ZNF548: variants seen among roughly 807,000 people sequenced by gnomAD.
The protein encoded by ZNF548 is zinc finger protein 548.
A neutral mutation model predicts 10.2 loss-of-function variants in ZNF548; 10 were observed. The observed-to-expected ratio is 0.98, with a 90% CI of 0.60 to 1.66. The LOEUF (loss-of-function observed/expected upper bound fraction) is 1.66, where lower values mean the gene tolerates loss of function less well. Ranked by LOEUF, ZNF548 falls within the 40% of genes most tolerant of loss-of-function variation. ZNF548 has a pLI of 0.00. For synonymous variants in ZNF548, 217 were observed against 223.5 expected (o/e 0.97, Z 0.26); for missense variants, 599 against 657.0 (o/e 0.91, Z 0.97).
chr19:57,394,647 G>C lies in ZNF548; in HGVS notation c.51+424G>C, dbSNP rs548635867. 2.0e-5 allele frequency among the ~76,000 whole-genome samples: 3 copies of C among 152,284 alleles called. No individual in the cohort carries two copies. In the East Asian group the frequency reaches 5.8e-4, roughly 29 times the overall value. ...GAAGATTTGAAGCAAAATAGGTAGT[G>C]ATAGGACCCCAGTTTAAGAGACTTT... is the stretch of plus-strand genomic sequence containing the variant. On this transcript the variant is annotated intron_variant, in intron 2 of 3. Transcript: ENST00000336128.
rs2088657244 is a variant in ZNF548, at chr19:57,395,326, G to A, written c.51+1103G>A. On this transcript the variant is annotated intron_variant, in intron 2 of 3. Transcript: ENST00000336128. The surrounding 1 kb of genome is among the most constrained non-coding windows in gnomAD (Gnocchi z 4.8). ...GGTTGCTGAGGGGGGATAATAGGGT[G>A]AGGTCGGAGAGTTGCTAACTATCAG... Among the ~76,000 whole-genome samples the A allele has an allele frequency of 6.6e-6, 1 of 152,150 alleles. No homozygotes were observed. Among genetic ancestry groups the A allele is most frequent in the African/African-American group, 2.4e-5 (1 of 41,412 alleles).
intron 1 of ZNF548, among the ~76,000 whole-genome samples, chr19:57,393,435 T>C (rs2088640881): frequency 1.3e-5 from 2 of 151,062 alleles, no homozygotes; most frequent in South Asian, 4.2e-4. Context: ...CCGAGGTGGG[T>C]GGATCACCTG....
chr19:57,396,124 C>T lies in ZNF548; in HGVS notation c.52-924C>T, dbSNP rs180937585. On this transcript the variant is annotated intron_variant, in intron 2 of 3. Coordinates refer to ENST00000336128, the MANE Select transcript of ZNF548 (RefSeq NM_001172773.2). ...GGCTGGGAGTTGTCTGTGGAATTGA[C>T]TGGAGTGGAGGTGTGAGAGATGGGA... is the stretch of plus-strand genomic sequence containing the variant. 1.4e-3 allele frequency among the ~76,000 whole-genome samples: 219 copies of T among 152,262 alleles called. 3 individuals are homozygous for T. Among genetic ancestry groups the T allele is most frequent in the Non-Finnish European group, 3.1e-4 (21 of 68,004 alleles).
At chr19:57,397,971 C>T (rs2088679107) in intron 3 of ZNF548, among the ~76,000 whole-genome samples, 1 of 152,222 alleles carries the variant, frequency 6.6e-6, no homozygotes, top group South Asian at 2.1e-4. Flanking sequence ...CTGGGGCCAC[C>T]ACCCTTCAAC....
In ZNF548 at chr19:57,398,694, G is replaced by A. The variant is rs1471510791; in HGVS notation, c.443G>A (p.Trp148Ter). The A allele has an allele frequency of 6.2e-7, 1 of 1,614,032 alleles. No individual in the cohort carries two copies. Among genetic ancestry groups the A allele is most frequent in the East Asian group, 2.2e-5 (1 of 44,886 alleles). The change falls in exon 4 of 4, where the codon TGG (tryptophan) becomes TAG (stop). Residue 148 changes from tryptophan to a stop codon, truncating the protein, a stop_gained. Coordinates refer to ENST00000336128, the MANE Select transcript of ZNF548 (RefSeq NM_001172773.2). LOFTEE classifies it low-confidence loss of function (END_TRUNC). ...GAAAATCTTTCCAGAGGGGATGATTGGATACCTTCATTTGGGAAGAACCAC... is the reference window on the plus strand; with the variant it reads ...GAAAATCTTTCCAGAGGGGATGATTAGATACCTTCATTTGGGAAGAACCAC... ...IGENLSRGDD[W>*]IPSFGKNHRV...
chr19:57,392,295 T>G (rs546967244), intron 1 of ZNF548, among the ~76,000 whole-genome samples: 35 of 152,352 alleles, frequency 2.3e-4, no homozygotes, highest in African/African-American at 7.9e-4. Flanking sequence ...TTTAGTTTAA[T>G]TAGGTCCTGT....
rs1396962177 is a variant in ZNF548 at position 57,399,490 on chromosome 19, AT to A, written c.1242del (p.Phe414LeufsTer107). 21 of 1,613,004 alleles carry A rather than the reference AT, an allele frequency of 1.3e-5. No individual in the cohort carries two copies. Among genetic ancestry groups the A allele is most frequent in the Non-Finnish European group, 1.6e-5 (19 of 1,179,760 alleles). ...ATAAATGCAGTGAATGTGGGAAATCATTTAGGTACCACTGCAGGCTCATTAG... is the reference window on the plus strand; with the variant it reads ...ATAAATGCAGTGAATGTGGGAAATCATTAGGTACCACTGCAGGCTCATTAG... ...PYKCSECGKSFRYHCRLIRHQ... is the reference protein window; with the variant it reads ...PYKCSECGKSXRYHCRLIRHQ... On this transcript the variant is annotated frameshift_variant, in exon 4 of 4. Coordinates refer to ENST00000336128, the MANE Select transcript of ZNF548 (RefSeq NM_001172773.2). LOFTEE classifies it low-confidence loss of function (END_TRUNC). This position sits in a 1 kb window ranked among gnomAD's most constrained non-coding sequence, Gnocchi z 4.0.
chr19:57,394,116 G>A (rs968499377), intron 1 of ZNF548, 72 bp from the exon 2 acceptor site: 2 of 1,516,190 alleles, frequency 1.3e-6, no homozygotes, highest in Admixed American at 3.7e-5. Flanking sequence ...GGGCAGACGA[G>A]GTGGTGGTCC....
intron 3 of ZNF548, among the ~76,000 whole-genome samples, chr19:57,398,173 G>C (rs2088680581): frequency 6.6e-6 from 1 of 152,178 alleles, no homozygotes; most frequent in African/African-American, 2.4e-5. Flanking sequence ...GTTTTCAGAG[G>C]AGTGAGTTGG....
rs2088708874 is a variant in ZNF548 at position 57,400,674 on chromosome 19, C to T, written c.*785C>T. On this transcript the variant is annotated 3_prime_UTR_variant, in exon 4 of 4. Coordinates refer to ENST00000336128, the MANE Select transcript of ZNF548 (RefSeq NM_001172773.2). ...GGTCCTGATCTCCTGACCTTGTGAT[C>T]TGCCTGCCTTGGCCTCTCAAAGTGC... 1 of 152,236 alleles carries T rather than the reference C, an allele frequency of 6.6e-6. No individual in the cohort carries two copies. Among genetic ancestry groups the T allele is most frequent in the Admixed American group, 6.5e-5 (1 of 15,278 alleles). The allele number at this position is 152,236 out of a possible 1,614,324, so 9.4% of individuals were successfully genotyped here.
intron 1 of ZNF548, among the ~76,000 whole-genome samples, chr19:57,393,670 G>C (rs1410696173): frequency 5.8e-5 from 7 of 121,404 alleles, no homozygotes; most frequent in African/African-American, 2.1e-4. Flanking sequence ...CACAATAGAG[G>C]AGAGGAGAGG....
At chr19:57,393,191 G>C (rs1384984988) in intron 1 of ZNF548, among the ~76,000 whole-genome samples, 5 of 152,132 alleles carry the variant, frequency 3.3e-5, no homozygotes, top group Non-Finnish European at 7.4e-5. Context: ...AGATTATGTA[G>C]CAGGTAGACC....
At chr19:57,392,202 A>C (rs1195950790) in intron 1 of ZNF548, among the ~76,000 whole-genome samples, 1 of 152,178 alleles carries the variant, frequency 6.6e-6, no homozygotes, top group Non-Finnish European at 1.5e-5. Flanking sequence ...ACCCTGTCAG[A>C]TGCATAGTTT....
chr19:57,401,543 A>G lies in ZNF548; in HGVS notation c.*1654A>G, dbSNP rs894586906. 9.2e-5 allele frequency: 14 copies of G among 152,112 alleles called. 1 individual carries two copies. Among genetic ancestry groups the G allele is most frequent in the Admixed American group, 9.2e-4 (14 of 15,262 alleles). 9.4% of individuals were successfully genotyped at this position (152,112 alleles called of 1,614,324 possible). ...CTCTTGAGCATCAGATGATTTTGGTATCCACAAGGGGTCCTGGAATCAGTC... is the reference window on the plus strand; with the variant it reads ...CTCTTGAGCATCAGATGATTTTGGTGTCCACAAGGGGTCCTGGAATCAGTC... On this transcript the variant is annotated 3_prime_UTR_variant, in exon 4 of 4. Coordinates refer to ENST00000336128, the MANE Select transcript of ZNF548 (RefSeq NM_001172773.2).
chr19:57,397,253 C>A (rs1377871623), intron 3 of ZNF548, 79 bp downstream of exon 3: 2 of 1,471,096 alleles, frequency 1.4e-6, no homozygotes, highest in Non-Finnish European at 1.8e-6. Context: ...CTGCGTTTCC[C>A]ACAGTGAGAC....
rs888446322 is a variant in ZNF548, at chr19:57,389,908, C to T, written c.-192C>T. On this transcript the variant is annotated 5_prime_UTR_variant, in exon 1 of 4. Coordinates refer to ENST00000336128, the MANE Select transcript of ZNF548 (RefSeq NM_001172773.2). ...CGTTTTGGTTCTGTGTGGTGTTTCA[C>T]CAACTTCGGCCTATGGCTCTGTCTG... 1.8e-5 allele frequency: 11 copies of T among 603,762 alleles called. No homozygotes were observed. Among genetic ancestry groups the T allele is most frequent in the Non-Finnish European group, 2.8e-5 (10 of 363,426 alleles). The allele number at this position is 603,762 out of a possible 1,614,324, so 37.4% of individuals were successfully genotyped here.
chr19:57,397,716 C>G (rs1381488970), intron 3 of ZNF548, among the ~76,000 whole-genome samples: 1 of 152,146 alleles, frequency 6.6e-6, no homozygotes, highest in Admixed American at 6.5e-5. Context: ...GGGCCCCAGG[C>G]ACCTGAGAGG....
In ZNF548 at chr19:57,392,849, C is replaced by G. The variant is rs548393612; in HGVS notation, c.16-1339C>G. On this transcript the variant is annotated intron_variant, in intron 1 of 3. Transcript: ENST00000336128. ...GGGGGCTGAGACTTGGGGGCCAGAC[C>G]ATTGGTGGCTCCACAGACATCATAC... 1.2e-4 allele frequency: 116 copies of G among 985,432 alleles called. No homozygotes were observed. The Middle Eastern group carries it at 1.6e-3, about 13-fold the overall frequency. The allele number at this position is 985,432 out of a possible 1,614,324, so 61.0% of individuals were successfully genotyped here. A position where few individuals can be genotyped will look rare whatever the true frequency, so the allele number is the denominator to read the frequency against.
chr19:57,391,789 GTTTTT>G, intron 1 of ZNF548, among the ~76,000 whole-genome samples: 1 of 93,576 alleles, frequency 1.1e-5, no homozygotes, highest in East Asian at 3.4e-4. Flanking sequence ...TGTGCTTACT[GTTTTT>G]TTTTTTTTTT....
Sources: gnomAD v4.1 joint callset for allele counts (sites outside exome capture counted in the v4.1 genomes callset) on GRCh38, gnomAD v4.1.1 for gene constraint, Gnocchi (gnomAD v3.1) non-coding constraint, MANE v1.5 for transcripts, NCBI Gene and HGNC (gene_info 2026-07-23, HGNC 2026-07-21) for gene names.